The following SIPA1L2 variants were observed in gnomAD, a reference collection of about 807,000 sequenced individuals.
SIPA1L2 encodes the protein signal induced proliferation associated 1 like 2.
In SIPA1L2, 56 loss-of-function variants were observed where a neutral mutation model predicts 163.9. The observed-to-expected ratio is 0.34, with a 90% confidence interval of 0.28 to 0.43. The LOEUF is 0.43. SIPA1L2 is among the 20% of genes least tolerant of loss of function. The pLI is 1.00. For synonymous variants in SIPA1L2, 877 were observed against 865.7 expected (o/e 1.01, Z -0.23); for missense variants, 1,974 against 2,193.5 (o/e 0.90, Z 2.00).
At chr1:232,449,104 G>C (rs1452139026) in intron 10 of SIPA1L2, among the ~76,000 whole-genome samples, 1 of 152,052 alleles carries the variant, frequency 6.6e-6, no homozygotes, top group East Asian at 1.9e-4. Flanking sequence ...TGAAGCTCAT[G>C]GAACAACTAG....
chr1:232,473,385 C>A (rs1160045528), intron 7 of SIPA1L2, among the ~76,000 whole-genome samples: 1 of 152,218 alleles, frequency 6.6e-6, no homozygotes, highest in African/African-American at 2.4e-5. Context: ...TGGCCAAGGC[C>A]AGGCAGTGAG....
chr1:232,479,814 A>T, intron 6 of SIPA1L2, 84 bp from the exon 7 acceptor site: 1 of 1,083,190 alleles, frequency 9.2e-7, no homozygotes, highest in Non-Finnish European at 1.4e-6. Flanking sequence ...TGTTGCAAAA[A>T]CAAAAAACAA....
intron 11 of SIPA1L2, among the ~76,000 whole-genome samples, chr1:232,444,460 G>C (rs1663086806): frequency 6.6e-6 from 1 of 152,074 alleles, no homozygotes; most frequent in Non-Finnish European, 1.5e-5. Context: ...GCCGACTTTT[G>C]AGTTGGGAGA....
intron 2 of SIPA1L2, among the ~76,000 whole-genome samples, chr1:232,532,897 C>CCTT (rs1267789281): frequency 3.9e-5 from 6 of 152,170 alleles, no homozygotes; most frequent in Admixed American, 1.3e-4. Flanking sequence ...AACTGTGGAA[C>CCTT]TAAGGTCCCT....
Position 232,515,420 on chromosome 1 carries a change from A to C in SIPA1L2, c.-81T>G, listed in dbSNP as rs1667178613. The C allele has an allele frequency of 1.4e-6, 2 of 1,391,874 alleles. No individual in the cohort carries two copies. The highest frequency in any genetic ancestry group is 1.9e-6 in the Non-Finnish European group (2 of 1,040,304). 86.2% of individuals were successfully genotyped at this position (1,391,874 alleles called of 1,614,324 possible). On this transcript the variant is annotated 5_prime_UTR_variant, in exon 3 of 23. Transcript: ENST00000674635. ...ACATTGCTACCGACCACGCCATAAT[A>C]CTTGCAGATATAAAGGCTTTGTCTG... is the stretch of plus-strand genomic sequence containing the variant.
intron 2 of SIPA1L2, among the ~76,000 whole-genome samples, chr1:232,566,025 C>G (rs1659383126): frequency 1.3e-5 from 2 of 152,156 alleles, no homozygotes; most frequent in Non-Finnish European, 2.9e-5. Context: ...CACTGAAGTT[C>G]TCAACCCTTC....
At chr1:232,555,249 T>C (rs1257103070) in intron 2 of SIPA1L2, among the ~76,000 whole-genome samples, 1 of 152,202 alleles carries the variant, frequency 6.6e-6, no homozygotes, top group African/African-American at 2.4e-5. Context: ...GACTCAACAA[T>C]TCACCTCCAC....
chr1:232,579,308 TTTTG>T (rs1660243386), intron 1 of SIPA1L2, among the ~76,000 whole-genome samples: 1 of 152,160 alleles, frequency 6.6e-6, no homozygotes, highest in South Asian at 2.1e-4. Flanking sequence ...AAAGGCTACT[TTTTG>T]TTTTTGTTTG....
intron 5 of SIPA1L2, among the ~76,000 whole-genome samples, chr1:232,490,404 C>G (rs1665866403): frequency 6.6e-6 from 1 of 152,154 alleles, no homozygotes; most frequent in Non-Finnish European, 1.5e-5. Flanking sequence ...TTGGAGAGGC[C>G]TTTCTGCTCT....
intron 2 of SIPA1L2, among the ~76,000 whole-genome samples, chr1:232,520,707 G>A (rs1041122475): frequency 6.6e-6 from 1 of 152,096 alleles, no homozygotes; most frequent in Non-Finnish European, 1.5e-5. Context: ...TTTCATGCCA[G>A]TATCCCAACA....
intron 10 of SIPA1L2, among the ~76,000 whole-genome samples, chr1:232,455,540 G>A (rs1323466949): frequency 6.6e-6 from 1 of 152,030 alleles, no homozygotes; most frequent in African/African-American, 2.4e-5. Flanking sequence ...CATTAGCCGG[G>A]CGTGGTGGCG....
chr1:232,472,583 G>A (rs548235442), intron 7 of SIPA1L2, among the ~76,000 whole-genome samples: 2 of 152,336 alleles, frequency 1.3e-5, no homozygotes, highest in South Asian at 4.1e-4. Context: ...GCTTATGCAA[G>A]TGAAGGCATA....
In SIPA1L2 at chr1:232,465,131, T is replaced by G; in HGVS notation, c.2529A>C (p.Pro843=). Reference sequence around the variant, plus strand: ...TGCTAAACAAGTGGGCATCCTTCCTTGGCTTTACCTTCTCCTTTTTCTTCG... The same window carrying G: ...TGCTAAACAAGTGGGCATCCTTCCTGGGCTTTACCTTCTCCTTTTTCTTCG... The part of the protein sequence containing the change: ...LGAKKKEKVK[P]RKDAHLFSIG... The change falls in exon 9 of 23, where the codon CCA becomes CCC. Residue 843 remains proline (P), a synonymous_variant. Transcript: ENST00000674635. The surrounding 1 kb of genome is among the most constrained non-coding windows in gnomAD (Gnocchi z 4.1). 1 of 1,614,214 alleles carries G rather than the reference T, an allele frequency of 6.2e-7. No homozygotes were observed. Among genetic ancestry groups the G allele is most frequent in the Non-Finnish European group, 8.5e-7 (1 of 1,180,040 alleles).
In SIPA1L2 at chr1:232,432,522, C is replaced by T. The variant is rs145513766; in HGVS notation, c.4032-51G>A. ...GCAATACAATCTGATTTCAGCAGTG[C>T]TGGCACACGGCCAAATTCAGAGCCA... is the stretch of plus-strand genomic sequence containing the variant. On this transcript the variant is annotated intron_variant, in intron 15 of 22. Coordinates refer to ENST00000674635, the MANE Select transcript of SIPA1L2 (RefSeq NM_020808.5). 8,250 of 1,549,148 alleles carry T rather than the reference C, an allele frequency of 5.3e-3. 30 individuals carry two copies. The highest frequency in any genetic ancestry group is 6.0e-3 in the Non-Finnish European group (6,749 of 1,123,850).
At chr1:232,451,926 C>T (rs981228746) in intron 10 of SIPA1L2, among the ~76,000 whole-genome samples, 1 of 151,332 alleles carries the variant, frequency 6.6e-6, no homozygotes, top group East Asian at 2.0e-4. Flanking sequence ...AATAACTTTT[C>T]TGAGTCTATT....
chr1:232,628,671 A>T (rs1360039512), intron 1 of SIPA1L2, among the ~76,000 whole-genome samples: 1 of 152,222 alleles, frequency 6.6e-6, no homozygotes, highest in African/African-American at 2.4e-5. Flanking sequence ...AATAAAAAGC[A>T]ACAGTTTGGG....
At chr1:232,432,558 C>G (rs1662310858) in intron 15 of SIPA1L2, 87 bp from the exon 16 acceptor site, 1 of 1,261,606 alleles carries the variant, frequency 7.9e-7, no homozygotes, top group Non-Finnish European at 1.1e-6. Context: ...CAAGGCTTTA[C>G]TCAAGTCTTT....
chr1:232,613,954 A>C (rs1156617143), intron 1 of SIPA1L2, among the ~76,000 whole-genome samples: 3 of 152,180 alleles, frequency 2.0e-5, no homozygotes, highest in Non-Finnish European at 4.4e-5. Flanking sequence ...ACTTAGCAGG[A>C]GGGCATTGTG....
chr1:232,592,742 T>C (rs937473115), intron 1 of SIPA1L2, among the ~76,000 whole-genome samples: 2 of 151,924 alleles, frequency 1.3e-5, no homozygotes, highest in African/African-American at 4.8e-5. Flanking sequence ...ATAAAACTAA[T>C]TTAATATAAA....
Sources: gnomAD v4.1 joint callset for allele counts (sites outside exome capture counted in the v4.1 genomes callset) on GRCh38, gnomAD v4.1.1 for gene constraint, Gnocchi (gnomAD v3.1) non-coding constraint, MANE v1.5 for transcripts, NCBI Gene and HGNC (gene_info 2026-07-23, HGNC 2026-07-21) for gene names.